CLMP: variants seen among roughly 807,000 people sequenced by gnomAD.
CLMP encodes the protein CXADR like cell adhesion molecule.
In CLMP, 27 loss-of-function variants were observed where a neutral mutation model predicts 45.2. The ratio of observed to expected loss-of-function variants is 0.60; its 90% CI spans 0.44 to 0.82. CLMP has a LOEUF of 0.82. CLMP is among the 40% of genes least tolerant of loss of function. CLMP has a pLI of 0.00. For missense variants in CLMP, 403 were observed against 448.4 expected (o/e 0.90, Z 0.91); for synonymous variants, 167 against 171.4 (o/e 0.97, Z 0.20).
chr11:123,109,074 A>AG (rs1271661888), intron 1 of CLMP, among the ~76,000 whole-genome samples: 2 of 151,800 alleles, frequency 1.3e-5, no homozygotes, highest in Admixed American at 1.3e-4. Flanking sequence ...AAAAAAAAAA[A>AG]AAAAAAGAAA....
intron 1 of CLMP, among the ~76,000 whole-genome samples, chr11:123,157,722 CA>C (rs869197042): frequency 0.097 from 6,936 of 71,444 alleles, 157 homozygotes; most frequent in Admixed American, 0.14. Flanking sequence ...GAGTGAAACT[CA>C]AAAAAAAAAA....
At chr11:123,131,624 A>AT (rs1469879667) in intron 1 of CLMP, among the ~76,000 whole-genome samples, 17 of 135,944 alleles carry the variant, frequency 1.3e-4, no homozygotes, top group Non-Finnish European at 2.0e-4. Context: ...TTTCTTTTCT[A>AT]TTTTTTTTGA....
chr11:123,151,435 T>C (rs966300020), intron 1 of CLMP, among the ~76,000 whole-genome samples: 2 of 152,220 alleles, frequency 1.3e-5, no homozygotes, highest in African/African-American at 4.8e-5. Flanking sequence ...CCTCTGCTAT[T>C]TATGTTCACT....
chr11:123,174,026 T>C (rs1203500891), intron 1 of CLMP, among the ~76,000 whole-genome samples: 1 of 152,112 alleles, frequency 6.6e-6, no homozygotes, highest in East Asian at 1.9e-4. Flanking sequence ...GAGGCAGCAG[T>C]GAGCTGTGAT....
At chr11:123,189,243 C>T (rs1482287850) in intron 1 of CLMP, among the ~76,000 whole-genome samples, 3 of 152,202 alleles carry the variant, frequency 2.0e-5, no homozygotes, top group Non-Finnish European at 4.4e-5. Context: ...TCAGCCTGAT[C>T]CACTCTTCTC....
At position 123,072,485 on chromosome 11, in the gene CLMP, G is replaced by A. The variant is rs1865683395; in HGVS notation, c.*989C>T. 2 of 152,038 alleles carry A rather than the reference G, an allele frequency of 1.3e-5. No individual in the cohort carries two copies. Among genetic ancestry groups the A allele is most frequent in the South Asian group, 4.1e-4 (2 of 4,826 alleles). The allele number at this position is 152,038 out of a possible 1,614,324, so 9.4% of individuals were successfully genotyped here. On this transcript the variant is annotated 3_prime_UTR_variant, in exon 7 of 7. Coordinates refer to ENST00000448775, the MANE Select transcript of CLMP (RefSeq NM_024769.5). Reference sequence around the variant, plus strand: ...AAAACTGATCTAATCTCCCTTTCTAGTCCACCCAGTCTTGCAATTCTGGTT... The same window carrying A: ...AAAACTGATCTAATCTCCCTTTCTAATCCACCCAGTCTTGCAATTCTGGTT...
intron 1 of CLMP, among the ~76,000 whole-genome samples, chr11:123,169,865 G>A (rs1018178692): frequency 3.9e-5 from 6 of 152,100 alleles, no homozygotes; most frequent in African/African-American, 1.4e-4. Context: ...CCAAGTTATA[G>A]GTAGATTTAA....
At chr11:123,077,393 G>A (rs1865753759) in intron 5 of CLMP, among the ~76,000 whole-genome samples, 3 of 152,064 alleles carry the variant, frequency 2.0e-5, no homozygotes, top group African/African-American at 4.8e-5. Flanking sequence ...ATGCAATGGT[G>A]CGATCTTGGC....
In CLMP at chr11:123,184,314, C is replaced by T. The variant is rs183699582; in HGVS notation, c.28+10599G>A. ...TTCACCATGTTGGCCAGGCTGGTCT[C>T]GAACTCCCTGACCTCAGGGGATCCT... On this transcript the variant is annotated intron_variant, in intron 1 of 6. Coordinates refer to ENST00000448775, the MANE Select transcript of CLMP (RefSeq NM_024769.5). Among the ~76,000 whole-genome samples the T allele has an allele frequency of 1.4e-4, 22 of 152,208 alleles. No homozygotes were observed. The East Asian group carries it at 4.1e-3, about 28-fold the overall frequency.
At position 123,070,583 on chromosome 11, in the gene CLMP, T is replaced by G. The variant is rs145801963; in HGVS notation, c.*2891A>C. 105 of 152,270 alleles carry G rather than the reference T, an allele frequency of 6.9e-4. No homozygotes were observed. Among genetic ancestry groups the G allele is most frequent in the African/African-American group, 2.4e-3 (98 of 41,560 alleles). The allele number at this position is 152,270 out of a possible 1,614,324, so 9.4% of individuals were successfully genotyped here. On this transcript the variant is annotated 3_prime_UTR_variant, in exon 7 of 7. Transcript: ENST00000448775. ...TTTCAAAAGCATAGGCAGGAAACCTTAGGTTCAAAGGTAGTAAATAATGAT... is the reference window on the plus strand; with the variant it reads ...TTTCAAAAGCATAGGCAGGAAACCTGAGGTTCAAAGGTAGTAAATAATGAT...
intron 1 of CLMP, among the ~76,000 whole-genome samples, chr11:123,158,527 C>A (rs1424789123): frequency 6.6e-6 from 1 of 152,168 alleles, no homozygotes; most frequent in African/African-American, 2.4e-5. Flanking sequence ...CTCTATGGGC[C>A]TCACTGTCTC....
rs1363387458 is a variant in CLMP, at chr11:123,136,415, TC to T, written c.29-38464del. On this transcript the variant is annotated intron_variant, in intron 1 of 6. Transcript: ENST00000448775. ...CCGCCGGTGGCCAGTTCTAGGGTGGTCCCCCCCACCCCGCCCTCCTTGTCCC... is the reference window on the plus strand; with the variant it reads ...CCGCCGGTGGCCAGTTCTAGGGTGGTCCCCCCACCCCGCCCTCCTTGTCCC... The T allele has an allele frequency of 1.9e-3, 761 of 394,362 alleles. 2 individuals carry two copies. The highest frequency in any genetic ancestry group is 3.1e-3 in the Non-Finnish European group (689 of 219,194). 24.4% of individuals were successfully genotyped at this position (394,362 alleles called of 1,614,324 possible). A position where few individuals can be genotyped will look rare whatever the true frequency, so the allele number is the denominator to read the frequency against.
At chr11:123,086,131 C>CA (rs1865863850) in intron 2 of CLMP, among the ~76,000 whole-genome samples, 2 of 150,192 alleles carry the variant, frequency 1.3e-5, no homozygotes, top group East Asian at 3.9e-4. Context: ...AGGCTGGTCT[C>CA]AAAGTCCTGA....
intron 1 of CLMP, among the ~76,000 whole-genome samples, chr11:123,121,089 T>C (rs1860809759): frequency 7.3e-6 from 1 of 137,010 alleles, no homozygotes; most frequent in African/African-American, 2.8e-5. Context: ...ATCCCGCCAC[T>C]GCACTCCAGC....
At chr11:123,143,322 G>A (rs1311296971) in intron 1 of CLMP, among the ~76,000 whole-genome samples, 8 of 152,166 alleles carry the variant, frequency 5.3e-5, no homozygotes, top group Non-Finnish European at 1.0e-4. Flanking sequence ...TTTCAACCAA[G>A]TCACAGGTTT....
chr11:123,170,543 G>A (rs1294272440), intron 1 of CLMP, among the ~76,000 whole-genome samples: 2 of 151,416 alleles, frequency 1.3e-5, no homozygotes, highest in Non-Finnish European at 2.9e-5. Context: ...AGGATCAAGT[G>A]ATTCTCCTGC....
chr11:123,153,458 A>C (rs11219034), intron 1 of CLMP, among the ~76,000 whole-genome samples: 42,241 of 152,016 alleles, frequency 0.28, 6,109 homozygotes, highest in South Asian at 0.34. Flanking sequence ...AAAAGACAAA[A>C]TCCTCCTTCC....
chr11:123,135,860 C>T (rs1247009435), intron 1 of CLMP: 1 of 449,998 alleles, frequency 2.2e-6, no homozygotes, highest in Non-Finnish European at 4.5e-6. Flanking sequence ...TTGAAAGACC[C>T]CTTATTGCTG....
chr11:123,122,076 A>T (rs1409905078), intron 1 of CLMP, among the ~76,000 whole-genome samples: 1 of 152,208 alleles, frequency 6.6e-6, no homozygotes, highest in African/African-American at 2.4e-5. Context: ...GAGGAAACAG[A>T]GAAAAATACA....
Sources: gnomAD v4.1 joint callset for allele counts (sites outside exome capture counted in the v4.1 genomes callset) on GRCh38, gnomAD v4.1.1 for gene constraint, MANE v1.5 for transcripts, NCBI Gene and HGNC (gene_info 2026-07-23, HGNC 2026-07-21) for gene names.